The following SLC25A21 variants were observed in gnomAD, a reference collection of about 807,000 sequenced individuals.
SLC25A21 encodes mitochondrial 2-oxodicarboxylate carrier.
In SLC25A21, 47 loss-of-function variants were observed where a neutral mutation model predicts 43.8. The observed-to-expected ratio is 1.07, with a 90% CI of 0.85 to 1.37. The LOEUF (loss-of-function observed/expected upper bound fraction) is 1.37, where lower values mean the gene tolerates loss of function less well. SLC25A21 is among the 40% of genes most tolerant of loss of function. The pLI is 0.00. For synonymous variants in SLC25A21, 131 were observed against 121.3 expected (o/e 1.08, Z -0.52); for missense variants, 352 against 350.2 (o/e 1.00, Z -0.04).
At chr14:36,904,936 G>A (rs1891495387) in intron 1 of SLC25A21, among the ~76,000 whole-genome samples, 1 of 152,096 alleles carries the variant, frequency 6.6e-6, no homozygotes, top group Admixed American at 6.5e-5. Context: ...ATTATGAGGA[G>A]GCCACTGTGG....
intron 1 of SLC25A21, among the ~76,000 whole-genome samples, chr14:37,006,283 G>A (rs182666683): frequency 2.0e-5 from 3 of 152,056 alleles, no homozygotes; most frequent in Admixed American, 6.6e-5. Context: ...TAATAGAATG[G>A]TCATTGGCAC....
At chr14:36,995,928 C>A (rs1004744574) in intron 1 of SLC25A21, among the ~76,000 whole-genome samples, 1 of 152,180 alleles carries the variant, frequency 6.6e-6, no homozygotes, top group African/African-American at 2.4e-5. Flanking sequence ...TTCATTTAAT[C>A]TTCACAATAA....
At chr14:36,945,607 T>A (rs187069545) in intron 1 of SLC25A21, among the ~76,000 whole-genome samples, 1 of 152,144 alleles carries the variant, frequency 6.6e-6, no homozygotes, top group Admixed American at 6.6e-5. Context: ...AATAAGCCAG[T>A]CCTAAAAGGA....
intron 1 of SLC25A21, among the ~76,000 whole-genome samples, chr14:37,117,440 C>T (rs1468947665): frequency 2.6e-5 from 4 of 152,080 alleles, no homozygotes; most frequent in East Asian, 1.9e-4. Context: ...ACAGGCACAT[C>T]GTAAACATAC....
Position 37,002,196 on chromosome 14 carries a change from A to C in SLC25A21, c.71-127192T>G, listed in dbSNP as rs1321429998. Reference sequence around the variant, plus strand: ...AAGCACCATAAGGAAAGTACAGGCCATGATGTGTTTTCTGCAGATAATTCC... The same window carrying C: ...AAGCACCATAAGGAAAGTACAGGCCCTGATGTGTTTTCTGCAGATAATTCC... On this transcript the variant is annotated intron_variant, in intron 1 of 9. Transcript: ENST00000331299. Among the ~76,000 whole-genome samples, 3 of 152,278 alleles carry C rather than the reference A, an allele frequency of 2.0e-5. No homozygotes were observed. In the East Asian group the frequency reaches 5.8e-4, roughly 29 times the overall value.
At chr14:36,716,057 C>A (rs1884118875) in intron 6 of SLC25A21, among the ~76,000 whole-genome samples, 1 of 151,994 alleles carries the variant, frequency 6.6e-6, no homozygotes, top group Non-Finnish European at 1.5e-5. Flanking sequence ...TGCCACTGCA[C>A]TCCAGCCTGG....
rs1390295688 is a variant in SLC25A21, at chr14:36,966,917, G to A, written c.71-91913C>T. On this transcript the variant is annotated intron_variant, in intron 1 of 9. Transcript: ENST00000331299. Reference sequence around the variant, plus strand: ...AAAATCTCTGAATTAGGCAGCAAAAGGAAACTTCCATGTGAACTTTTATTT... The same window carrying A: ...AAAATCTCTGAATTAGGCAGCAAAAAGAAACTTCCATGTGAACTTTTATTT... Among the ~76,000 whole-genome samples the A allele has an allele frequency of 2.0e-5, 3 of 152,158 alleles. No homozygotes were observed. The East Asian group carries it at 5.8e-4, about 29-fold the overall frequency.
chr14:36,723,018 C>A (rs1200843146), intron 6 of SLC25A21, among the ~76,000 whole-genome samples: 1 of 152,068 alleles, frequency 6.6e-6, no homozygotes, highest in Non-Finnish European at 1.5e-5. Context: ...GGTGAGCATA[C>A]CTAATATTTG....
chr14:36,864,756 T>C (rs915426437), intron 2 of SLC25A21, among the ~76,000 whole-genome samples: 4 of 152,342 alleles, frequency 2.6e-5, no homozygotes, highest in African/African-American at 9.6e-5. Flanking sequence ...AGAAACATTC[T>C]ATCCATGGTT....
chr14:36,865,044 A>T (rs1447724808), intron 2 of SLC25A21, among the ~76,000 whole-genome samples: 51 of 145,774 alleles, frequency 3.5e-4, no homozygotes, highest in African/African-American at 5.9e-4. Context: ...TTTTTTTTTT[A>T]AAAGATCTAT....
chr14:37,144,333 A>G (rs1963622686), intron 1 of SLC25A21, among the ~76,000 whole-genome samples: 1 of 152,230 alleles, frequency 6.6e-6, no homozygotes, highest in East Asian at 1.9e-4. Flanking sequence ...ATGTTATGCA[A>G]TTTAACACCT....
chr14:36,940,762 G>T (rs540157079), intron 1 of SLC25A21, among the ~76,000 whole-genome samples: 1 of 152,140 alleles, frequency 6.6e-6, no homozygotes, highest in African/African-American at 2.4e-5. Context: ...CTTTGAAGTT[G>T]GATAGAACTC....
intron 3 of SLC25A21, among the ~76,000 whole-genome samples, chr14:36,735,836 T>C (rs1885011753): frequency 7.1e-6 from 1 of 141,312 alleles, no homozygotes; most frequent in African/African-American, 2.7e-5. Flanking sequence ...TTTTTGTATA[T>C]AACCAGGACA....
At chr14:37,125,539 T>C (rs1963282720) in intron 1 of SLC25A21, among the ~76,000 whole-genome samples, 1 of 152,174 alleles carries the variant, frequency 6.6e-6, no homozygotes, top group South Asian at 2.1e-4. Context: ...GAAACCAAGT[T>C]TAAAAAATGA....
intron 2 of SLC25A21, among the ~76,000 whole-genome samples, chr14:36,846,259 C>A (rs1010132495): frequency 5.3e-5 from 8 of 152,132 alleles, no homozygotes; most frequent in Non-Finnish European, 8.8e-5. Context: ...CTATACGAAG[C>A]ATGAGAGAAT....
intron 2 of SLC25A21, among the ~76,000 whole-genome samples, chr14:36,846,324 T>A (rs1198961085): frequency 6.6e-6 from 1 of 152,176 alleles, no homozygotes; most frequent in African/African-American, 2.4e-5. Flanking sequence ...ATCTACAGTC[T>A]ATGAAAAAAA....
intron 1 of SLC25A21, among the ~76,000 whole-genome samples, chr14:37,140,323 T>C (rs891433273): frequency 1.1e-4 from 17 of 152,220 alleles, no homozygotes; most frequent in Non-Finnish European, 1.6e-4. Flanking sequence ...GACTTACTAA[T>C]TTTGGATATC....
chr14:36,751,430 T>C (rs1023739535), intron 3 of SLC25A21, among the ~76,000 whole-genome samples: 8 of 152,192 alleles, frequency 5.3e-5, no homozygotes, highest in African/African-American at 1.2e-4. Context: ...CTGCAGGTGA[T>C]TGATTTTTAG....
rs150631854 is a variant in SLC25A21, at chr14:37,152,257, G to C, written c.70+20024C>G. Among the ~76,000 whole-genome samples, 1,080 of 152,192 alleles carry C rather than the reference G, an allele frequency of 7.1e-3. 4 individuals are homozygous for C. The highest frequency in any genetic ancestry group is 0.012 in the Non-Finnish European group (798 of 68,000). Reference sequence around the variant, plus strand: ...AGATGACAAAAAGAATGAATGAAAAGACTGAACTCAAAATAGAAATGAGAA... The same window carrying C: ...AGATGACAAAAAGAATGAATGAAAACACTGAACTCAAAATAGAAATGAGAA... On this transcript the variant is annotated intron_variant, in intron 1 of 9. Coordinates refer to ENST00000331299, the MANE Select transcript of SLC25A21 (RefSeq NM_030631.4).
Sources: allele counts gnomAD v4.1 joint callset (sites outside exome capture counted in the v4.1 genomes callset), GRCh38; gene constraint gnomAD v4.1.1; transcripts MANE v1.5; gene names NCBI Gene and HGNC (gene_info 2026-07-23, HGNC 2026-07-21).